The following NCK1 variants were observed in gnomAD, a reference collection of about 807,000 sequenced individuals.
NCK1 encodes the protein NCK adaptor protein 1, also known as SH2/SH3 adapter protein NCK1.
A neutral mutation model predicts 36.6 loss-of-function variants in NCK1; 19 were observed. That is an observed-to-expected ratio of 0.52 (90% CI 0.36 to 0.76). NCK1 has a LOEUF of 0.76. NCK1 is among the 30% of genes least tolerant of loss of function. NCK1 has a pLI of 0.00. For synonymous variants in NCK1, 165 were observed against 156.0 expected (o/e 1.06, Z -0.43); for missense variants, 358 against 445.6 (o/e 0.80, Z 1.77).
chr3:136,873,957 C>G (rs895659663), intron 1 of NCK1, among the ~76,000 whole-genome samples: 8 of 152,134 alleles, frequency 5.3e-5, no homozygotes, highest in African/African-American at 1.9e-4. Flanking sequence ...AATACAGTAA[C>G]CATATAGCTT....
At chr3:136,870,126 G>T (rs991114228) in intron 1 of NCK1, among the ~76,000 whole-genome samples, 4 of 148,364 alleles carry the variant, frequency 2.7e-5, no homozygotes, top group Admixed American at 7.0e-5. Flanking sequence ...TGGATCGCTT[G>T]AGGTCAGGAG....
Position 136,945,630 on chromosome 3 carries a change from C to G in NCK1, c.274C>G (p.Pro92Ala), listed in dbSNP as rs772680921. Residue 92 changes from proline (P) to alanine (A), a missense_variant, in exon 3 of 4, where the codon CCT becomes GCT. Around this residue, in one of 3 missense-constraint regions of NCK1, gnomAD observed 143 missense variants for 162.4 expected, o/e 0.88. Coordinates refer to ENST00000481752, the MANE Select transcript of NCK1 (RefSeq NM_001291999.2). Reference sequence around the variant, plus strand: ...ACCTAGTGTGCCAGATTCTGCATCTCCTGCTGATGATAGTTTTGTTGACCC... The same window carrying G: ...ACCTAGTGTGCCAGATTCTGCATCTGCTGCTGATGATAGTTTTGTTGACCC... ...RKPSVPDSAS[P>A]ADDSFVDPGE... is the part of the protein sequence containing the mutation. 6.2e-7 allele frequency: 1 copy of G among 1,613,846 alleles called. No homozygotes were observed. Among genetic ancestry groups the G allele is most frequent in the South Asian group, 1.1e-5 (1 of 91,036 alleles).
At chr3:136,937,869 A>C (rs1317158692) in intron 2 of NCK1, among the ~76,000 whole-genome samples, 1 of 152,004 alleles carries the variant, frequency 6.6e-6, no homozygotes, top group Non-Finnish European at 1.5e-5. Flanking sequence ...TATTTATAAG[A>C]TCATGTCATC....
chr3:136,921,261 C>T (rs908057035), intron 1 of NCK1, among the ~76,000 whole-genome samples: 3 of 152,318 alleles, frequency 2.0e-5, no homozygotes, highest in African/African-American at 7.2e-5. Flanking sequence ...AGAACAAAAT[C>T]ACTTTCAGAT....
intron 1 of NCK1, among the ~76,000 whole-genome samples, chr3:136,916,597 G>A (rs1432121927): frequency 1.3e-5 from 2 of 152,066 alleles, no homozygotes; most frequent in African/African-American, 2.4e-5. Context: ...TAAAGCATGG[G>A]GAAATTATAG....
At chr3:136,927,954 T>TA (rs1940288063) in intron 1 of NCK1, 30 bp from the exon 2 acceptor site, 2 of 1,451,100 alleles carry the variant, frequency 1.4e-6, no homozygotes, top group African/African-American at 2.8e-5. Flanking sequence ...ACCTCAACCT[T>TA]ACATAAAAAT....
chr3:136,935,927 C>T (rs1576988263), intron 2 of NCK1, among the ~76,000 whole-genome samples: 1 of 152,032 alleles, frequency 6.6e-6, no homozygotes, highest in Non-Finnish European at 1.5e-5. Flanking sequence ...TAAATGGAAT[C>T]ATACAGTATG....
Position 136,930,535 on chromosome 3 carries a change from G to A in NCK1, c.226+2308G>A, listed in dbSNP as rs1275412555. On this transcript the variant is annotated intron_variant, in intron 2 of 3. Transcript: ENST00000481752. ...TTATCCTGAGCTGTGTTAACAAACT[G>A]ACAGAACACAGAATTTTTACTCAAA... 9.0e-6 allele frequency: 13 copies of A among 1,449,046 alleles called. No individual in the cohort carries two copies. The Middle Eastern group carries it at 8.8e-4, about 98-fold the overall frequency. 89.8% of individuals were successfully genotyped at this position (1,449,046 alleles called of 1,614,324 possible). A position where few individuals can be genotyped will look rare whatever the true frequency, so the allele number is the denominator to read the frequency against.
At chr3:136,913,950 A>ACGCCCAGC (rs1939894348) in intron 1 of NCK1, among the ~76,000 whole-genome samples, 1 of 152,104 alleles carries the variant, frequency 6.6e-6, no homozygotes, top group East Asian at 1.9e-4. Context: ...GTGAGCCACC[A>ACGCCCAGC]CGCCCAGCCG....
intron 1 of NCK1, among the ~76,000 whole-genome samples, chr3:136,890,772 A>C (rs1939221959): frequency 6.6e-6 from 1 of 152,200 alleles, no homozygotes; most frequent in Admixed American, 6.5e-5. Flanking sequence ...ACCATTTTTA[A>C]GTGTACAGTG....
chr3:136,920,082 A>G (rs1443725854), intron 1 of NCK1, among the ~76,000 whole-genome samples: 1 of 152,162 alleles, frequency 6.6e-6, no homozygotes, highest in African/African-American at 2.4e-5. Context: ...TCATAAGATG[A>G]TTTTATTCTC....
chr3:136,918,238 C>T (rs1341225119), intron 1 of NCK1, among the ~76,000 whole-genome samples: 1 of 152,004 alleles, frequency 6.6e-6, no homozygotes, highest in Non-Finnish European at 1.5e-5. Flanking sequence ...TACATATTAT[C>T]TCTTAGTTCA....
intron 1 of NCK1, chr3:136,899,669 A>G (rs1048596427): frequency 1.4e-6 from 1 of 737,852 alleles, no homozygotes; most frequent in Non-Finnish European, 2.5e-6. Flanking sequence ...TCTTATCCAA[A>G]TCTAAATAAT....
Position 136,950,580 on chromosome 3 carries a change from TGTTTTTATAATACTTGAA to T in NCK1, c.*2130_*2147del, listed in dbSNP as rs1289535734. On this transcript the variant is annotated 3_prime_UTR_variant, in exon 4 of 4. Transcript: ENST00000481752. ...TTAATCCAATGCTTATACCAGTGAC[TGTTTTTATAATACTTGAA>T]GTAACTTTAAGAACTGAAACAACCC... Among the ~76,000 whole-genome samples the T allele has an allele frequency of 6.6e-6, 1 of 152,204 alleles. No homozygotes were observed. The highest frequency in any genetic ancestry group is 2.4e-5 in the African/African-American group (1 of 41,462).
intron 1 of NCK1, among the ~76,000 whole-genome samples, chr3:136,910,687 G>T (rs1485173947): frequency 6.6e-6 from 1 of 151,886 alleles, no homozygotes; most frequent in African/African-American, 2.4e-5. Flanking sequence ...CTTTTCTGGG[G>T]TACAATGGGA....
At chr3:136,919,688 G>C (rs918638083) in intron 1 of NCK1, among the ~76,000 whole-genome samples, 1 of 152,086 alleles carries the variant, frequency 6.6e-6, no homozygotes, top group Admixed American at 6.5e-5. Context: ...ATGACACAAA[G>C]TTTGTCAAAT....
chr3:136,875,811 C>A (rs1256022014), intron 1 of NCK1, among the ~76,000 whole-genome samples: 2 of 150,108 alleles, frequency 1.3e-5, no homozygotes, highest in Admixed American at 6.7e-5. Context: ...ACCTAATAGA[C>A]ATCTACAGAA....
intron 1 of NCK1, among the ~76,000 whole-genome samples, chr3:136,903,437 T>A (rs1194994946): frequency 6.6e-6 from 1 of 152,212 alleles, no homozygotes; most frequent in African/African-American, 2.4e-5. Context: ...CTTATTTATT[T>A]AATTGAGATG....
At chr3:136,903,016 A>G (rs995953086) in intron 1 of NCK1, among the ~76,000 whole-genome samples, 8 of 149,380 alleles carry the variant, frequency 5.4e-5, no homozygotes, top group African/African-American at 2.0e-4. Context: ...TTTTGTATCT[A>G]CATGATCCAT....
Sources: allele counts gnomAD v4.1 joint callset (sites outside exome capture counted in the v4.1 genomes callset), GRCh38; gene constraint gnomAD v4.1.1; regional missense constraint gnomAD v4.1.1; transcripts MANE v1.5; gene names NCBI Gene and HGNC (gene_info 2026-07-23, HGNC 2026-07-21).